The following PDGFD variants were observed in gnomAD, a reference collection of about 807,000 sequenced individuals.
PDGFD encodes the protein platelet-derived growth factor D.
Under a neutral mutation model 44.7 loss-of-function variants are expected in PDGFD, and 30 were observed. That is an observed-to-expected ratio of 0.67 (90% confidence interval 0.50 to 0.91). PDGFD has a LOEUF of 0.91. Ranked by LOEUF, PDGFD falls within the 40% of genes least tolerant of loss-of-function variation. The pLI is 0.00. For synonymous variants in PDGFD, 173 were observed against 168.4 expected (o/e 1.03, Z -0.21); for missense variants, 445 against 457.8 (o/e 0.97, Z 0.25).
chr11:104,115,129 G>A (rs1203475275), intron 1 of PDGFD, among the ~76,000 whole-genome samples: 1 of 151,390 alleles, frequency 6.6e-6, no homozygotes, highest in Non-Finnish European at 1.5e-5. Flanking sequence ...TCCCACTTAT[G>A]AGTGATTACA....
chr11:104,070,014 G>A (rs1271209807), intron 1 of PDGFD, among the ~76,000 whole-genome samples: 2 of 147,934 alleles, frequency 1.4e-5, no homozygotes, highest in African/African-American at 2.4e-5. Flanking sequence ...AGATTTGGCC[G>A]GTGGAAGCCC....
At chr11:104,103,051 A>C (rs1166892706) in intron 1 of PDGFD, among the ~76,000 whole-genome samples, 1 of 152,188 alleles carries the variant, frequency 6.6e-6, no homozygotes, top group Non-Finnish European at 1.5e-5. Flanking sequence ...CACGTTGTGC[A>C]CATGTACCCT....
At chr11:104,052,336 T>A (rs1306156078) in intron 1 of PDGFD, among the ~76,000 whole-genome samples, 4 of 148,060 alleles carry the variant, frequency 2.7e-5, no homozygotes, top group Non-Finnish European at 3.0e-5. Context: ...ACTATCCTGA[T>A]TAATAAAACT....
chr11:104,161,006 C>T (rs539207464), intron 1 of PDGFD, among the ~76,000 whole-genome samples: 1 of 152,276 alleles, frequency 6.6e-6, no homozygotes, highest in East Asian at 1.9e-4. Context: ...GGATAAAACA[C>T]ACCTCATGCC....
chr11:103,965,257 C>G lies in PDGFD; in HGVS notation c.511-17533G>C, dbSNP rs7119239. Among the ~76,000 whole-genome samples the G allele has an allele frequency of 8.0e-3, 1,219 of 152,242 alleles. 15 individuals carry two copies. Among genetic ancestry groups the G allele is most frequent in the African/African-American group, 0.028 (1,173 of 41,540 alleles). ...CTTTTCAAGTACTATTTTGAAGCTA[C>G]AGTAAACATATACTACCTAACCATA... On this transcript the variant is annotated intron_variant, in intron 3 of 6. Coordinates refer to ENST00000393158, the MANE Select transcript of PDGFD (RefSeq NM_025208.5).
chr11:104,033,779 C>T (rs1222410133), intron 1 of PDGFD, among the ~76,000 whole-genome samples: 1 of 152,134 alleles, frequency 6.6e-6, no homozygotes, highest in Non-Finnish European at 1.5e-5. Flanking sequence ...TCAATCTGTT[C>T]TTTAGCAGAG....
At chr11:104,121,229 TC>T (rs1462777855) in intron 1 of PDGFD, among the ~76,000 whole-genome samples, 2 of 152,054 alleles carry the variant, frequency 1.3e-5, no homozygotes, top group Non-Finnish European at 2.9e-5. Context: ...ATTATTCTTT[TC>T]TTCAGACACC....
chr11:103,915,829 C>A (rs1186509622), intron 6 of PDGFD, among the ~76,000 whole-genome samples: 1 of 152,114 alleles, frequency 6.6e-6, no homozygotes, highest in East Asian at 1.9e-4. Flanking sequence ...CTGACAAAAA[C>A]AAGCAATGGA....
intron 1 of PDGFD, among the ~76,000 whole-genome samples, chr11:104,143,206 G>C (rs905745552): frequency 6.6e-6 from 1 of 152,118 alleles, no homozygotes; most frequent in African/African-American, 2.4e-5. Flanking sequence ...TAATAGGAAG[G>C]CATAACTTCC....
intron 1 of PDGFD, among the ~76,000 whole-genome samples, chr11:104,030,714 A>AGTT (rs1860110872): frequency 6.6e-6 from 1 of 152,200 alleles, no homozygotes; most frequent in African/African-American, 2.4e-5. Context: ...GAAGAGAAAG[A>AGTT]GGTCAAGCAA....
At chr11:104,131,261 C>A (rs1256311884) in intron 1 of PDGFD, among the ~76,000 whole-genome samples, 6 of 152,108 alleles carry the variant, frequency 3.9e-5, no homozygotes, top group South Asian at 2.1e-4. Flanking sequence ...GGCAATCAGA[C>A]TTGTGTAATA....
intron 5 of PDGFD, among the ~76,000 whole-genome samples, chr11:103,940,888 C>A (rs1858573434): frequency 1.3e-5 from 2 of 152,110 alleles, no homozygotes; most frequent in South Asian, 4.1e-4. Flanking sequence ...AGTATGTCAC[C>A]TTGAATGCTC....
chr11:104,096,261 G>C (rs1026248502), intron 1 of PDGFD, among the ~76,000 whole-genome samples: 3 of 150,974 alleles, frequency 2.0e-5, no homozygotes, highest in African/African-American at 7.3e-5. Flanking sequence ...CTACAAAAAA[G>C]TAGCTCTCTT....
chr11:104,007,168 G>T (rs576759549), intron 1 of PDGFD, among the ~76,000 whole-genome samples: 1 of 152,270 alleles, frequency 6.6e-6, no homozygotes, highest in East Asian at 1.9e-4. Flanking sequence ...GGGGATCAGG[G>T]AAGTATCCCG....
At chr11:104,076,568 G>A (rs1289120485) in intron 1 of PDGFD, among the ~76,000 whole-genome samples, 1 of 151,906 alleles carries the variant, frequency 6.6e-6, no homozygotes, top group African/African-American at 2.4e-5. Context: ...TCAGCTTTCT[G>A]AACCTTGAAT....
chr11:103,910,110 A>C (rs747151579), intron 6 of PDGFD, among the ~76,000 whole-genome samples: 1 of 152,246 alleles, frequency 6.6e-6, no homozygotes, highest in African/African-American at 2.4e-5. Flanking sequence ...ATAGCTTTCT[A>C]AGGGCCTGCT....
At chr11:104,075,801 A>G (rs1476798910) in intron 1 of PDGFD, among the ~76,000 whole-genome samples, 1 of 152,138 alleles carries the variant, frequency 6.6e-6, no homozygotes. Context: ...TTTCCTAGAC[A>G]AGCTCCAGAA....
chr11:104,118,735 A>T (rs1861677860), intron 1 of PDGFD, among the ~76,000 whole-genome samples: 1 of 126,110 alleles, frequency 7.9e-6, no homozygotes, highest in African/African-American at 3.0e-5. Flanking sequence ...TTAATATATT[A>T]ATATATATTA....
At chr11:104,138,015 C>T (rs991159811) in intron 1 of PDGFD, among the ~76,000 whole-genome samples, 2 of 152,086 alleles carry the variant, frequency 1.3e-5, no homozygotes, top group African/African-American at 4.8e-5. Flanking sequence ...AGAAAACATA[C>T]CTGCTCATCT....
Sources: gnomAD v4.1 joint callset for allele counts (sites outside exome capture counted in the v4.1 genomes callset) on GRCh38, gnomAD v4.1.1 for gene constraint, MANE v1.5 for transcripts, NCBI Gene and HGNC (gene_info 2026-07-23, HGNC 2026-07-21) for gene names.